Variants in ARPP21 observed in about 807,000 individuals in gnomAD.
ARPP21 encodes the protein cAMP-regulated phosphoprotein 21.
ARPP21 carries 69 observed loss-of-function variants against 113.2 expected under a neutral mutation model. The observed-to-expected ratio is 0.61, with a 90% CI of 0.50 to 0.74. ARPP21 has a LOEUF of 0.74. Ranked by LOEUF, ARPP21 falls within the 30% of genes least tolerant of loss-of-function variation. ARPP21 has a pLI of 0.00. For synonymous variants in ARPP21, 368 were observed against 375.5 expected, an observed-to-expected ratio of 0.98 and a Z score of 0.23; for missense variants, 1,070 against 1,037.4, an observed-to-expected ratio of 1.03 and a Z score of -0.43.
At chr3:35,712,637 T>G (rs533468017) in intron 11 of ARPP21, among the ~76,000 whole-genome samples, 42 of 151,854 alleles carry the variant, frequency 2.8e-4, no homozygotes, top group African/African-American at 8.2e-4. Context: ...GTGATTTGCT[T>G]TGGGGATTTT....
At chr3:35,773,595 C>T (rs2096269795) in intron 19 of ARPP21, among the ~76,000 whole-genome samples, 1 of 152,174 alleles carries the variant, frequency 6.6e-6, no homozygotes, top group African/African-American at 2.4e-5. Context: ...AGCTCTCTCA[C>T]ACCTAGGTAA....
chr3:35,655,466 C>T (rs17033631), intron 1 of ARPP21, among the ~76,000 whole-genome samples: 2,334 of 152,004 alleles, frequency 0.015, 59 homozygotes, highest in African/African-American at 0.053. Context: ...CCCCTCTTCT[C>T]TGCACGTCAC....
In ARPP21 at chr3:35,729,445, G is replaced by A. The variant is rs766698568; in HGVS notation, c.1368G>A (p.Gln456=). 4.2e-5 allele frequency: 68 copies of A among 1,614,154 alleles called. No individual in the cohort carries two copies. Among genetic ancestry groups the A allele is most frequent in the Non-Finnish European group, 5.8e-5 (68 of 1,180,030 alleles). The change falls in exon 15 of 21, where the codon CAG becomes CAA. Residue 456 remains glutamine (Q), a synonymous_variant. Transcript: ENST00000684406. ...VPYPENGIGG[Q]VAPSSTSYIL... ...ATCCAGAGAATGGAATAGGGGGCCAGGTTGCTCCCAGCAGCACCAGCTACA... is the reference window on the plus strand; with the variant it reads ...ATCCAGAGAATGGAATAGGGGGCCAAGTTGCTCCCAGCAGCACCAGCTACA...
intron 9 of ARPP21, among the ~76,000 whole-genome samples, chr3:35,691,739 C>G (rs887139603): frequency 6.6e-6 from 1 of 151,478 alleles, no homozygotes; most frequent in Non-Finnish European, 1.5e-5. Context: ...TTTCTTGAAC[C>G]TATATATCTT....
chr3:35,694,934 TAA>T (rs2083401332), intron 9 of ARPP21, among the ~76,000 whole-genome samples: 1 of 147,432 alleles, frequency 6.8e-6, no homozygotes, highest in South Asian at 2.1e-4. Flanking sequence ...ATATTATACA[TAA>T]TATATATATT....
intron 11 of ARPP21, among the ~76,000 whole-genome samples, chr3:35,709,714 G>T (rs79638617): frequency 6.6e-6 from 1 of 152,266 alleles, no homozygotes; most frequent in East Asian, 1.9e-4. Flanking sequence ...GTAAAAAAAA[G>T]TAGAGGCTGG....
intron 1 of ARPP21, among the ~76,000 whole-genome samples, chr3:35,657,899 A>T (rs1705768002): frequency 6.6e-6 from 1 of 152,140 alleles, no homozygotes; most frequent in Admixed American, 6.6e-5. Context: ...CATCCACTCT[A>T]CAGTAACAGG....
chr3:35,722,962 T>C (rs2093232907), intron 14 of ARPP21, among the ~76,000 whole-genome samples: 2 of 152,208 alleles, frequency 1.3e-5, no homozygotes, highest in Non-Finnish European at 2.9e-5. Flanking sequence ...TAGTATGTAA[T>C]TGTTTTTGCT....
chr3:35,752,188 G>A (rs1041908352), intron 19 of ARPP21, among the ~76,000 whole-genome samples: 1 of 151,862 alleles, frequency 6.6e-6, no homozygotes, highest in African/African-American at 2.4e-5. Flanking sequence ...GAGGAAACCA[G>A]GTCAGGGAAT....
chr3:35,708,916 G>T, intron 10 of ARPP21, 53 bp from the exon 11 acceptor site: 1 of 1,275,388 alleles, frequency 7.8e-7, no homozygotes, highest in Non-Finnish European at 1.1e-6. Context: ...CTTAACCACA[G>T]ATTTCTAACA....
chr3:35,649,881 T>A (rs570865551), intron 1 of ARPP21, among the ~76,000 whole-genome samples: 1 of 152,140 alleles, frequency 6.6e-6, no homozygotes, highest in African/African-American at 2.4e-5. Context: ...ATAAAAATAA[T>A]CTTGTTTGAA....
At position 35,717,321 on chromosome 3, in the gene ARPP21, T is replaced by C; in HGVS notation, c.959T>C (p.Ile320Thr). Residue 320 changes from isoleucine (I) to threonine (T), a missense_variant, in exon 13 of 21, where the codon ATA (isoleucine) becomes ACA (threonine). Transcript: ENST00000684406. ...AGTAGGCTCTTGGAAGACAGTAACA[T>C]ATGCAATGAGACCTATAAGAAAAGA... ...ENSRLLEDSN[I>T]CNETYKKRQL... 6.2e-7 allele frequency: 1 copy of C among 1,607,222 alleles called. No individual in the cohort carries two copies. Among genetic ancestry groups the C allele is most frequent in the East Asian group, 2.2e-5 (1 of 44,722 alleles).
At chr3:35,777,148 A>G (rs556168850) in intron 19 of ARPP21, among the ~76,000 whole-genome samples, 1 of 152,318 alleles carries the variant, frequency 6.6e-6, no homozygotes, top group South Asian at 2.1e-4. Flanking sequence ...TGGCAGATCC[A>G]TCTTGATACT....
At chr3:35,765,011 C>T (rs2095910736) in intron 19 of ARPP21, among the ~76,000 whole-genome samples, 1 of 152,012 alleles carries the variant, frequency 6.6e-6, no homozygotes, top group Admixed American at 6.6e-5. Context: ...ATAAGCAATA[C>T]ATTATGTTCT....
At chr3:35,700,482 T>C (rs751179092) in intron 9 of ARPP21, among the ~76,000 whole-genome samples, 3 of 151,394 alleles carry the variant, frequency 2.0e-5, no homozygotes, top group Non-Finnish European at 4.4e-5. Context: ...AATGTTCTTA[T>C]AGCACTGAAA....
At chr3:35,671,036 A>C (rs2076220339) in intron 1 of ARPP21, among the ~76,000 whole-genome samples, 1 of 152,140 alleles carries the variant, frequency 6.6e-6, no homozygotes, top group African/African-American at 2.4e-5. Flanking sequence ...ACTCTTTTGC[A>C]TATTTATTTT....
chr3:35,702,541 T>C (rs2086822484), intron 9 of ARPP21, among the ~76,000 whole-genome samples: 2 of 151,826 alleles, frequency 1.3e-5, no homozygotes, highest in Admixed American at 1.3e-4. Context: ...TTAATGTTGT[T>C]GTTCATGAAA....
At chr3:35,677,707 A>G (rs1446252507) in intron 1 of ARPP21, among the ~76,000 whole-genome samples, 3 of 152,014 alleles carry the variant, frequency 2.0e-5, no homozygotes, top group African/African-American at 7.2e-5. Flanking sequence ...AAATTTGGCC[A>G]GAATATTTAT....
At chr3:35,738,102 C>T in intron 16 of ARPP21, 112 bp from the exon 17 acceptor site, 2 of 646,186 alleles carry the variant, frequency 3.1e-6, no homozygotes, top group South Asian at 2.0e-5. Flanking sequence ...GCTAGTTCCC[C>T]TCTCTGGAGT....
Sources: allele counts gnomAD v4.1 joint callset (sites outside exome capture counted in the v4.1 genomes callset), GRCh38; gene constraint gnomAD v4.1.1; transcripts MANE v1.5; gene names NCBI Gene and HGNC (gene_info 2026-07-23, HGNC 2026-07-21).